The following EXT1 variants were observed in gnomAD, a reference collection of about 807,000 sequenced individuals.
The protein encoded by EXT1 is exostosin glycosyltransferase 1, also known as exostosin-1.
EXT1 carries 20 observed loss-of-function variants against 82.5 expected under a neutral mutation model. That is an observed-to-expected ratio of 0.24 (90% confidence interval 0.17 to 0.35). EXT1 has a LOEUF of 0.35. Ranked by LOEUF, EXT1 falls within the 10% of genes least tolerant of loss-of-function variation. The pLI is 1.00. For synonymous variants in EXT1, 348 were observed against 350.8 expected, an observed-to-expected ratio of 0.99 and a Z score of 0.09; for missense variants, 757 against 936.5, an observed-to-expected ratio of 0.81 and a Z score of 2.50.
intron 5 of EXT1, among the ~76,000 whole-genome samples, chr8:117,821,100 A>C (rs2129745138): frequency 6.6e-6 from 1 of 152,336 alleles, no homozygotes. Context: ...TTAGTGGCTT[A>C]ACTGCGAGCA....
intron 1 of EXT1, among the ~76,000 whole-genome samples, chr8:117,864,496 T>C (rs1457890400): frequency 6.6e-6 from 1 of 152,162 alleles, no homozygotes. Flanking sequence ...ACGCCTGTAA[T>C]CCCAGCACTT....
At chr8:117,907,461 T>C (rs1261817709) in intron 1 of EXT1, among the ~76,000 whole-genome samples, 1 of 152,188 alleles carries the variant, frequency 6.6e-6, no homozygotes, top group Non-Finnish European at 1.5e-5. Context: ...CTGTCCATCC[T>C]TTGACTTTTG....
chr8:118,093,869 G>C (rs1817563754), intron 1 of EXT1, among the ~76,000 whole-genome samples: 1 of 152,150 alleles, frequency 6.6e-6, no homozygotes, highest in Non-Finnish European at 1.5e-5. Context: ...ACGGTGCAGA[G>C]GTCTGGGTCC....
chr8:117,864,783 AT>A (rs1447867870), intron 1 of EXT1, among the ~76,000 whole-genome samples: 4 of 151,380 alleles, frequency 2.6e-5, no homozygotes, highest in Non-Finnish European at 4.4e-5. Context: ...AAAAAAAAAA[AT>A]CTCATAATGC....
chr8:117,800,656 C>T (rs1341525498), intron 10 of EXT1, among the ~76,000 whole-genome samples: 1 of 152,154 alleles, frequency 6.6e-6, no homozygotes, highest in Non-Finnish European at 1.5e-5. Context: ...GTTGGCTTTC[C>T]TGCTTGACTA....
At chr8:118,074,424 G>C (rs1053133651) in intron 1 of EXT1, among the ~76,000 whole-genome samples, 3 of 152,216 alleles carry the variant, frequency 2.0e-5, no homozygotes, top group Non-Finnish European at 4.4e-5. Flanking sequence ...AAGTTCAAAG[G>C]AAAGGACCGT....
At chr8:118,047,080 A>T (rs1816634429) in intron 1 of EXT1, among the ~76,000 whole-genome samples, 1 of 151,680 alleles carries the variant, frequency 6.6e-6, no homozygotes, top group Admixed American at 6.5e-5. Flanking sequence ...GGGGTAAAGC[A>T]GTGGTTCTCA....
At chr8:117,843,424 A>G (rs1812304121) in intron 1 of EXT1, among the ~76,000 whole-genome samples, 2 of 152,216 alleles carry the variant, frequency 1.3e-5, no homozygotes. Flanking sequence ...GGAGGAAGTG[A>G]GACCCTGAGC....
At chr8:117,973,063 A>C (rs1206020571) in intron 1 of EXT1, among the ~76,000 whole-genome samples, 1 of 152,208 alleles carries the variant, frequency 6.6e-6, no homozygotes. Context: ...CCTGAATGAT[A>C]ATTTTCAAAC....
chr8:117,990,076 G>C (rs959800335), intron 1 of EXT1, among the ~76,000 whole-genome samples: 4 of 152,152 alleles, frequency 2.6e-5, no homozygotes, highest in Admixed American at 6.5e-5. Context: ...GGGAGGCTGA[G>C]GCACGAGAAT....
At chr8:117,871,400 T>C (rs1162352442) in intron 1 of EXT1, among the ~76,000 whole-genome samples, 1 of 152,232 alleles carries the variant, frequency 6.6e-6, no homozygotes, top group African/African-American at 2.4e-5. Flanking sequence ...AAGAAGACTT[T>C]ATCCTCATCC....
intron 1 of EXT1, among the ~76,000 whole-genome samples, chr8:118,077,414 T>C (rs990926414): frequency 1.3e-5 from 2 of 152,192 alleles, no homozygotes; most frequent in South Asian, 4.1e-4. Flanking sequence ...TATTGCACCA[T>C]AGATAGCTCT....
intron 1 of EXT1, among the ~76,000 whole-genome samples, chr8:117,851,387 A>G (rs1812450650): frequency 6.6e-6 from 1 of 151,986 alleles, no homozygotes; most frequent in African/African-American, 2.4e-5. Context: ...ACAAAAAAAA[A>G]AAAAGTGAGG....
chr8:117,926,104 G>A (rs1476428166), intron 1 of EXT1, among the ~76,000 whole-genome samples: 1 of 152,168 alleles, frequency 6.6e-6, no homozygotes, highest in African/African-American at 2.4e-5. Flanking sequence ...CGCTAGCATG[G>A]TGATGTGTAT....
chr8:117,983,150 TAGA>T (rs1325764414), intron 1 of EXT1, among the ~76,000 whole-genome samples: 13 of 152,268 alleles, frequency 8.5e-5, no homozygotes, highest in African/African-American at 2.6e-4. Flanking sequence ...CAGGGAAGGT[TAGA>T]AGAAGGAGTC....
intron 1 of EXT1, among the ~76,000 whole-genome samples, chr8:118,100,215 G>A (rs984998691): frequency 1.3e-5 from 2 of 152,150 alleles, no homozygotes; most frequent in Non-Finnish European, 2.9e-5. Context: ...CATAGAGCAG[G>A]AACAAAGGAG....
At chr8:117,949,750 G>C (rs1486639893) in intron 1 of EXT1, among the ~76,000 whole-genome samples, 4 of 152,200 alleles carry the variant, frequency 2.6e-5, no homozygotes, top group Non-Finnish European at 4.4e-5. Context: ...AAACGAAAGA[G>C]AGAAAAAGAA....
chr8:117,945,728 C>T lies in EXT1; in HGVS notation c.963-108527G>A, dbSNP rs923764520. Among the ~76,000 whole-genome samples, 42 of 151,876 alleles carry T rather than the reference C, an allele frequency of 2.8e-4. 1 individual carries two copies. Among genetic ancestry groups the T allele is most frequent in the African/African-American group, 1.0e-3 (42 of 41,354 alleles). ...ATGTTGGTGAGGCTGGTCTCAAACT[C>T]CTGACCTCAAATGATCTGTCCGTCT... On this transcript the variant is annotated intron_variant, in intron 1 of 10. Transcript: ENST00000378204.
At chr8:117,976,906 T>C (rs1006008434) in intron 1 of EXT1, among the ~76,000 whole-genome samples, 3 of 152,044 alleles carry the variant, frequency 2.0e-5, no homozygotes, top group Non-Finnish European at 4.4e-5. Context: ...AAAAAGATGA[T>C]GTCAGGGCGT....
Sources: gnomAD v4.1 joint callset for allele counts (sites outside exome capture counted in the v4.1 genomes callset) on GRCh38, gnomAD v4.1.1 for gene constraint, MANE v1.5 for transcripts, NCBI Gene and HGNC (gene_info 2026-07-23, HGNC 2026-07-21) for gene names.